Variants in PDXDC1 observed in about 807,000 individuals in gnomAD.
PDXDC1 encodes the protein pyridoxal dependent decarboxylase domain containing 1.
PDXDC1 carries 42 observed loss-of-function variants against 100.1 expected under a neutral mutation model. The ratio of observed to expected loss-of-function variants is 0.42; its 90% CI spans 0.33 to 0.54. The LOEUF (loss-of-function observed/expected upper bound fraction) is 0.54. PDXDC1 is among the 20% of genes least tolerant of loss of function. The pLI is 0.10. For missense variants in PDXDC1, 636 were observed against 979.2 expected, an observed-to-expected ratio of 0.65 and a Z score of 4.68; for synonymous variants, 260 against 371.7, an observed-to-expected ratio of 0.70 and a Z score of 3.46.
intron 16 of PDXDC1, among the ~76,000 whole-genome samples, chr16:15,111,849 A>C (rs919106737): frequency 6.7e-6 from 1 of 149,566 alleles, no homozygotes; most frequent in African/African-American, 2.4e-5. Context: ...ATCATCTTGT[A>C]AGTATTTTAC....
intron 5 of PDXDC1, among the ~76,000 whole-genome samples, chr16:15,006,070 A>C (rs1462174455): frequency 6.6e-6 from 1 of 152,298 alleles, no homozygotes; most frequent in Non-Finnish European, 1.5e-5. Context: ...TGTGTTATCC[A>C]GTGCTGGCCT....
chr16:15,020,104 T>C (rs930931395), intron 12 of PDXDC1, among the ~76,000 whole-genome samples: 3 of 108,704 alleles, frequency 2.8e-5, no homozygotes, highest in Non-Finnish European at 5.0e-5. Flanking sequence ...AGAGCGAGGC[T>C]CCGTCTCAAA....
intron 11 of PDXDC1, 109 bp downstream of exon 11, chr16:15,017,531 C>T: frequency 1.3e-6 from 1 of 754,090 alleles, no homozygotes; most frequent in Non-Finnish European, 2.2e-6. Context: ...CCCATAATTT[C>T]ACTTCTATTT....
rs371873292 is a variant in PDXDC1, at chr16:15,063,165, C to T, written c.1399+33109C>T. The T allele has an allele frequency of 2.2e-3, 3,106 of 1,432,116 alleles. 8 individuals are homozygous for T. Among genetic ancestry groups the T allele is most frequent in the Non-Finnish European group, 2.8e-3 (2,822 of 1,013,922 alleles). The allele number at this position is 1,432,116 out of a possible 1,614,324, so 88.7% of individuals were successfully genotyped here. A position where few individuals can be genotyped will look rare whatever the true frequency, so the allele number is the denominator to read the frequency against. ...TGACCTGGAACCAGAAAGGAGATTCCGAGAGTGTGCTCAATCAATCACAAA... is the reference window on the plus strand; with the variant it reads ...TGACCTGGAACCAGAAAGGAGATTCTGAGAGTGTGCTCAATCAATCACAAA... On this transcript the variant is annotated intron_variant, in intron 16 of 16. Coordinates refer to the PDXDC1 transcript ENST00000535621.
At chr16:15,092,823 C>T (rs559318814) in intron 16 of PDXDC1, among the ~76,000 whole-genome samples, 59 of 152,296 alleles carry the variant, frequency 3.9e-4, no homozygotes, top group Non-Finnish European at 7.8e-4. Context: ...ATCCAAATCT[C>T]TCAGTGTGGT....
chr16:15,065,675 C>T (rs189682128), intron 16 of PDXDC1, among the ~76,000 whole-genome samples: 99 of 152,088 alleles, frequency 6.5e-4, no homozygotes, highest in African/African-American at 2.3e-3. Flanking sequence ...AGATACTATT[C>T]ATTAAAAATA....
chr16:15,032,729 G>A, intron 17 of PDXDC1, 132 bp from the exon 18 acceptor site: 1 of 621,116 alleles, frequency 1.6e-6, no homozygotes, highest in Non-Finnish European at 2.9e-6. Context: ...GTGGTCTGGA[G>A]ACACTCGCAG....
chr16:14,991,265 ATATGTG>A (rs1400773759), intron 1 of PDXDC1, among the ~76,000 whole-genome samples: 40 of 137,882 alleles, frequency 2.9e-4, no homozygotes, highest in African/African-American at 1.0e-3. Context: ...ATGTATATAG[ATATGTG>A]TGTGTGTGTG....
chr16:15,062,298 C>G lies in PDXDC1; in HGVS notation c.1399+32242C>G, dbSNP rs147626404. Among the ~76,000 whole-genome samples, 10 of 152,280 alleles carry G rather than the reference C, an allele frequency of 6.6e-5. No homozygotes were observed. The East Asian group carries it at 1.4e-3, about 21-fold the overall frequency. On this transcript the variant is annotated intron_variant, in intron 16 of 16. Transcript: ENST00000535621. The stretch of plus-strand genomic sequence containing the variant: ...AGCTCAATGGGGACAGGAAACATGA[C>G]GAGTCATTCTTGCCCAGTGTTAGGA...
chr16:15,006,250 G>A, intron 5 of PDXDC1, 144 bp from the exon 6 acceptor site: 1 of 591,356 alleles, frequency 1.7e-6, no homozygotes, highest in African/African-American at 1.9e-5. Context: ...CATCTATGAT[G>A]AGGATGTTTC....
chr16:15,143,164 A>G (rs2457524), downstream of PDXDC1, among the ~76,000 whole-genome samples: 11 of 152,188 alleles, frequency 7.2e-5, no homozygotes, highest in African/African-American at 1.2e-4. Flanking sequence ...TCTGGAAGGC[A>G]GGAGGAGTTA....
chr16:15,019,701 T>G (rs111849171), intron 12 of PDXDC1, among the ~76,000 whole-genome samples: 1 of 152,270 alleles, frequency 6.6e-6, no homozygotes, highest in Non-Finnish European at 1.5e-5. Flanking sequence ...CTAGTCCTGT[T>G]TGTGAGGGTT....
At chr16:15,101,074 T>C (rs569270472) in intron 16 of PDXDC1, among the ~76,000 whole-genome samples, 1 of 152,310 alleles carries the variant, frequency 6.6e-6, no homozygotes, top group East Asian at 1.9e-4. Context: ...ACTTCAATTT[T>C]CTTATGTACA....
At chr16:15,128,024 C>A (rs763116991) in intron 16 of PDXDC1, 5 of 1,599,524 alleles carry the variant, frequency 3.1e-6, no homozygotes, top group Non-Finnish European at 4.3e-6. Context: ...CACCAGGCCC[C>A]CGTTGGCCTC....
rs539240029 is a variant in PDXDC1, at chr16:15,088,409, G to C, written c.1400-50470G>C. ...TTGAGCCTGGGAGGTTGAGGCTGCA[G>C]TGAGCCATGATCGGGCCCATTACAC... On this transcript the variant is annotated intron_variant, in intron 16 of 16. Coordinates refer to the PDXDC1 transcript ENST00000535621. 1.2e-3 allele frequency among the ~76,000 whole-genome samples: 190 copies of C among 152,202 alleles called. 1 individual carries two copies. Among genetic ancestry groups the C allele is most frequent in the Non-Finnish European group, 1.9e-3 (129 of 68,012 alleles).
chr16:15,048,774 C>T (rs1287410431), intron 16 of PDXDC1, among the ~76,000 whole-genome samples: 1 of 152,080 alleles, frequency 6.6e-6, no homozygotes, highest in Non-Finnish European at 1.5e-5. Flanking sequence ...CAGGCTTGCA[C>T]CACCACACCT....
intron 16 of PDXDC1, among the ~76,000 whole-genome samples, chr16:15,030,478 C>T (rs1388202534): frequency 2.3e-5 from 3 of 130,350 alleles, no homozygotes; most frequent in Non-Finnish European, 4.7e-5. Flanking sequence ...CCTGGGAGGC[C>T]GAGGTTGCAG....
intron 9 of PDXDC1, among the ~76,000 whole-genome samples, chr16:15,016,542 T>A (rs529416948): frequency 8.5e-5 from 13 of 152,414 alleles, no homozygotes; most frequent in Admixed American, 4.6e-4. Flanking sequence ...CTGCAGAAAC[T>A]CCAGCCTTCT....
At chr16:15,111,630 C>G (rs1033205841) in intron 16 of PDXDC1, among the ~76,000 whole-genome samples, 3 of 144,990 alleles carry the variant, frequency 2.1e-5, no homozygotes, top group African/African-American at 7.5e-5. Flanking sequence ...TGGTGGCGCA[C>G]GCCTGTAGTC....
Sources: allele counts gnomAD v4.1 joint callset (sites outside exome capture counted in the v4.1 genomes callset), GRCh38; gene constraint gnomAD v4.1.1; transcripts MANE v1.5; gene names NCBI Gene and HGNC (gene_info 2026-07-23, HGNC 2026-07-21).